Variants in COL23A1 observed in about 807,000 individuals in gnomAD.
The protein encoded by COL23A1 is collagen alpha-1(XXIII) chain.
In COL23A1, 97 loss-of-function variants were observed where a neutral mutation model predicts 99.3. That is an observed-to-expected ratio of 0.98 (90% CI 0.83 to 1.16). The LOEUF (loss-of-function observed/expected upper bound fraction) is 1.16, where lower values mean the gene tolerates loss of function less well. Ranked by LOEUF, COL23A1 falls within the 50% of genes most tolerant of loss-of-function variation. COL23A1 has a pLI of 0.00. For synonymous variants in COL23A1, 320 were observed against 308.2 expected, an observed-to-expected ratio of 1.04 and a Z score of -0.40; for missense variants, 762 against 757.4, an observed-to-expected ratio of 1.01 and a Z score of -0.07.
At position 178,313,325 on chromosome 5, in the gene COL23A1, T is replaced by C. The variant is rs1461801126; in HGVS notation, c.362-6406A>G. On this transcript the variant is annotated intron_variant, in intron 2 of 28. Transcript: ENST00000390654. This position sits in a 1 kb window ranked among gnomAD's most constrained non-coding sequence, Gnocchi z 4.2. ...TACTGAATGCCACTCAAGTGTACACTTAAGGATGGTTAAGACGGGAAATGT... is the reference window on the plus strand; with the variant it reads ...TACTGAATGCCACTCAAGTGTACACCTAAGGATGGTTAAGACGGGAAATGT... Among the ~76,000 whole-genome samples the C allele has an allele frequency of 2.0e-5, 3 of 152,122 alleles. No individual in the cohort carries two copies. Among genetic ancestry groups the C allele is most frequent in the African/African-American group, 7.2e-5 (3 of 41,412 alleles).
chr5:178,351,715 C>G (rs544704748), intron 2 of COL23A1, among the ~76,000 whole-genome samples: 1 of 152,320 alleles, frequency 6.6e-6, no homozygotes, highest in Admixed American at 6.5e-5. Context: ...GGGCTGCATT[C>G]TGTGTTCCAG....
intron 3 of COL23A1, among the ~76,000 whole-genome samples, chr5:178,293,725 G>C (rs72819081): frequency 0.064 from 9,667 of 151,228 alleles, 580 homozygotes; most frequent in African/African-American, 0.16. Flanking sequence ...CTGGAGGGGT[G>C]AGGGGCAAGG....
chr5:178,344,853 G>A, intron 2 of COL23A1: 3 of 749,956 alleles, frequency 4.0e-6, no homozygotes, highest in South Asian at 1.3e-5. Flanking sequence ...ATGGCGGGGC[G>A]ATCTGTGTCT....
chr5:178,332,891 A>C (rs1228691672), intron 2 of COL23A1, among the ~76,000 whole-genome samples: 1 of 151,546 alleles, frequency 6.6e-6, no homozygotes, highest in Non-Finnish European at 1.5e-5. Flanking sequence ...TTTCAAGAGA[A>C]GCCAGACATC....
intron 5 of COL23A1, among the ~76,000 whole-genome samples, chr5:178,279,927 G>C (rs1209972334): frequency 6.6e-6 from 1 of 152,196 alleles, no homozygotes; most frequent in Non-Finnish European, 1.5e-5. Flanking sequence ...GGAATTTGTG[G>C]GAGTTTTTTG....
intron 2 of COL23A1, among the ~76,000 whole-genome samples, chr5:178,394,196 G>A (rs1764110386): frequency 1.3e-5 from 2 of 152,224 alleles, no homozygotes; most frequent in Admixed American, 1.3e-4. Flanking sequence ...GTCACTATCT[G>A]CACCTGTCCT....
chr5:178,359,677 TG>T (rs1313841485), intron 2 of COL23A1, among the ~76,000 whole-genome samples: 4 of 152,238 alleles, frequency 2.6e-5, no homozygotes, highest in African/African-American at 9.6e-5. Context: ...TGCTGCACGC[TG>T]GCTCTGTATG....
rs911559937 is a variant in COL23A1 at position 178,383,041 on chromosome 5, G to A, written c.362-76122C>T. ...CTGAAAAGCTGACAGGAGCCAGGGG[G>A]TGTCTGTGATCAGGGCTGGGGGCTG... On this transcript the variant is annotated intron_variant, in intron 2 of 28. Transcript: ENST00000390654. Among the ~76,000 whole-genome samples, 52 of 152,152 alleles carry A rather than the reference G, an allele frequency of 3.4e-4. 1 individual carries two copies. Among genetic ancestry groups the A allele is most frequent in the Admixed American group, 3.3e-3 (50 of 15,286 alleles).
At chr5:178,375,864 T>C (rs7722171) in intron 2 of COL23A1, among the ~76,000 whole-genome samples, 3,814 of 152,298 alleles carry the variant, frequency 0.025, 156 homozygotes, top group African/African-American at 0.084. Flanking sequence ...CCTGCCACCA[T>C]GTCTGGCTAA....
At chr5:178,517,352 T>C (rs79322235) in intron 2 of COL23A1, among the ~76,000 whole-genome samples, 9,105 of 152,078 alleles carry the variant, frequency 0.06, 306 homozygotes, top group Middle Eastern at 0.11. Context: ...TGGAAGGGCT[T>C]AGAATGCTCC....
chr5:178,578,707 A>C lies in COL23A1; in HGVS notation c.294+11197T>G, dbSNP rs114461156. ...AATTCCGTGGCTACATCAGGAGAAT[A>C]GATTTTCTCATTTCCCAGTGTGAAG... On this transcript the variant is annotated intron_variant, in intron 1 of 28. Coordinates refer to ENST00000390654, the MANE Select transcript of COL23A1 (RefSeq NM_173465.4). Among the ~76,000 whole-genome samples, 1,118 of 148,818 alleles carry C rather than the reference A, an allele frequency of 7.5e-3. 11 individuals carry two copies. Among genetic ancestry groups the C allele is most frequent in the African/African-American group, 0.026 (1,042 of 40,250 alleles).
intron 2 of COL23A1, among the ~76,000 whole-genome samples, chr5:178,496,956 G>A (rs983069556): frequency 1.3e-5 from 2 of 152,144 alleles, no homozygotes; most frequent in Admixed American, 6.5e-5. Flanking sequence ...AGGCCCAGTG[G>A]CTTCATTGGG....
rs529493829 is a variant in COL23A1 at position 178,415,722 on chromosome 5, C to T, written c.362-108803G>A. ...ACATCTGTGCCCGAGCCCTGCTGCA[C>T]AAGGGGATGCAGAAGAGTGAGCACG... is the stretch of plus-strand genomic sequence containing the variant. On this transcript the variant is annotated intron_variant, in intron 2 of 28. Transcript: ENST00000390654. This position sits in a 1 kb window ranked among gnomAD's most constrained non-coding sequence, Gnocchi z 4.6. Among the ~76,000 whole-genome samples the T allele has an allele frequency of 1.8e-4, 28 of 152,304 alleles. No individual in the cohort carries two copies. Among genetic ancestry groups the T allele is most frequent in the African/African-American group, 6.5e-4 (27 of 41,574 alleles).
intron 5 of COL23A1, among the ~76,000 whole-genome samples, chr5:178,273,508 T>C (rs1420711539): frequency 6.6e-6 from 1 of 152,214 alleles, no homozygotes; most frequent in African/African-American, 2.4e-5. Context: ...GAATTCAGTG[T>C]GTAGCTTCCC....
intron 2 of COL23A1, among the ~76,000 whole-genome samples, chr5:178,327,242 A>G (rs906508865): frequency 1.3e-5 from 2 of 152,356 alleles, no homozygotes; most frequent in South Asian, 4.1e-4. Context: ...GCCCTTGAGT[A>G]GCTCACAATA....
At chr5:178,262,327 C>T (rs1765677464) in intron 9 of COL23A1, 75 bp from the exon 10 acceptor site, 5 of 1,445,156 alleles carry the variant, frequency 3.5e-6, no homozygotes, top group Non-Finnish European at 4.8e-6. Flanking sequence ...TCAGGCCAGA[C>T]CCCGGGCTGG....
intron 2 of COL23A1, among the ~76,000 whole-genome samples, chr5:178,392,722 C>T (rs537763931): frequency 6.6e-6 from 1 of 152,278 alleles, no homozygotes; most frequent in African/African-American, 2.4e-5. Context: ...TCACCACTTG[C>T]AAATGTAATA....
intron 1 of COL23A1, among the ~76,000 whole-genome samples, chr5:178,571,637 T>C (rs1423694503): frequency 6.6e-6 from 1 of 152,050 alleles, no homozygotes; most frequent in Non-Finnish European, 1.5e-5. Flanking sequence ...GGCCCTATGA[T>C]GAACAAAAAA....
intron 2 of COL23A1, chr5:178,345,421 A>G (rs1267259605): frequency 6.6e-6 from 2 of 302,124 alleles, no homozygotes; most frequent in East Asian, 1.6e-4. Context: ...ACTGTTCTCT[A>G]AACACACTTG....
Sources: gnomAD v4.1 joint callset for allele counts (sites outside exome capture counted in the v4.1 genomes callset) on GRCh38, gnomAD v4.1.1 for gene constraint, Gnocchi (gnomAD v3.1) non-coding constraint, MANE v1.5 for transcripts, NCBI Gene and HGNC (gene_info 2026-07-23, HGNC 2026-07-21) for gene names.